Variants in FRAS1 observed in about 807,000 individuals in gnomAD.
The protein encoded by FRAS1 is extracellular matrix organizing protein FRAS1.
FRAS1 carries 290 observed loss-of-function variants against 435.2 expected under a neutral mutation model. The observed-to-expected ratio is 0.67, with a 90% CI of 0.61 to 0.73. FRAS1 has a LOEUF of 0.73. FRAS1 is among the 30% of genes least tolerant of loss of function. The pLI is 0.00. For missense variants in FRAS1, 4,860 were observed against 5,001.5 expected, an observed-to-expected ratio of 0.97 and a Z score of 0.85; for synonymous variants, 1,800 against 1,851.0, an observed-to-expected ratio of 0.97 and a Z score of 0.71.
At chr4:78,485,314 A>G (rs1720136202) in intron 58 of FRAS1, among the ~76,000 whole-genome samples, 1 of 152,224 alleles carries the variant, frequency 6.6e-6, no homozygotes, top group African/African-American at 2.4e-5. Context: ...CTTACCAACA[A>G]GACTCCAGTA....
At chr4:78,085,119 T>C (rs1247753007) in intron 2 of FRAS1, among the ~76,000 whole-genome samples, 2 of 152,108 alleles carry the variant, frequency 1.3e-5, no homozygotes, top group Non-Finnish European at 2.9e-5. Context: ...TTAGAATGTC[T>C]TTTGTCTAAG....
Position 78,534,477 on chromosome 4 carries a change from A to C in FRAS1, c.10954A>C (p.Thr3652Pro), listed in dbSNP as rs1235324798. The C allele has an allele frequency of 1.2e-6, 2 of 1,613,384 alleles. No individual in the cohort carries two copies. Among genetic ancestry groups the C allele is most frequent in the South Asian group, 1.1e-5 (1 of 90,918 alleles). Residue 3652 changes from threonine to proline, a missense_variant, in exon 71 of 74, where the codon ACC becomes CCC. Transcript: ENST00000512123. ...CCTGATACCCATTGCATTCCAGCAG[A>C]CCAACCGCCCTGTGCCAGTTGTGTA... ...RFLIPIAFQQ[T>P]NRPVPVVYSL...
intron 2 of FRAS1, among the ~76,000 whole-genome samples, chr4:78,106,056 G>C (rs372240730): frequency 1.5e-5 from 2 of 129,604 alleles, no homozygotes; most frequent in South Asian, 2.4e-4. Flanking sequence ...AAGAAACGGC[G>C]CACCACGAGA....
chr4:78,291,154 A>G (rs1460153364), intron 14 of FRAS1, among the ~76,000 whole-genome samples: 2 of 152,208 alleles, frequency 1.3e-5, no homozygotes, highest in Non-Finnish European at 2.9e-5. Flanking sequence ...ACAGGGACAT[A>G]ATATCTGCCA....
intron 6 of FRAS1, among the ~76,000 whole-genome samples, chr4:78,260,195 T>G (rs1726015390): frequency 1.3e-5 from 2 of 151,844 alleles, no homozygotes; most frequent in Admixed American, 6.6e-5. Flanking sequence ...GGCTCTTTTT[T>G]GGTTCCATAT....
intron 55 of FRAS1, 103 bp downstream of exon 55, chr4:78,478,164 A>T: frequency 7.9e-7 from 1 of 1,269,670 alleles, no homozygotes; most frequent in Non-Finnish European, 1.1e-6. Context: ...CTTAACTCAC[A>T]TGTGTACTTT....
Position 78,207,629 on chromosome 4 carries a change from G to T in FRAS1, c.109-29881G>T, listed in dbSNP as rs182206105. Among the ~76,000 whole-genome samples, 19 of 152,234 alleles carry T rather than the reference G, an allele frequency of 1.2e-4. 1 individual carries two copies. Among genetic ancestry groups the T allele is most frequent in the Admixed American group, 1.2e-3 (19 of 15,306 alleles). ...CAAATATTATTATTTTATTTCACTT[G>T]TCAAGAAACTATAATAGGTCAGTGA... On this transcript the variant is annotated intron_variant, in intron 2 of 73. Coordinates refer to ENST00000512123, the MANE Select transcript of FRAS1 (RefSeq NM_025074.7).
At chr4:78,223,008 C>T (rs936383767) in intron 2 of FRAS1, among the ~76,000 whole-genome samples, 6 of 152,176 alleles carry the variant, frequency 3.9e-5, no homozygotes, top group African/African-American at 1.4e-4. Context: ...CTCTGAGACA[C>T]TTGATACCTG....
chr4:78,390,107 A>G, intron 29 of FRAS1, among the ~76,000 whole-genome samples: 1 of 152,238 alleles, frequency 6.6e-6, no homozygotes, highest in East Asian at 1.9e-4. Flanking sequence ...TACTGGCAAC[A>G]TTATACAAAT....
At chr4:78,086,800 A>G (rs1231889597) in intron 2 of FRAS1, among the ~76,000 whole-genome samples, 3 of 152,124 alleles carry the variant, frequency 2.0e-5, no homozygotes, top group African/African-American at 7.2e-5. Flanking sequence ...CAACCAAAAA[A>G]AGTCCAGGAC....
At chr4:78,189,410 C>T (rs1352966958) in intron 2 of FRAS1, among the ~76,000 whole-genome samples, 5 of 152,188 alleles carry the variant, frequency 3.3e-5, no homozygotes, top group East Asian at 3.8e-4. Flanking sequence ...TGATCACTTT[C>T]GTTGAACTTC....
chr4:78,058,582 C>T (rs72858718), intron 1 of FRAS1, among the ~76,000 whole-genome samples: 107 of 152,328 alleles, frequency 7.0e-4, no homozygotes, highest in African/African-American at 2.4e-3. Context: ...TTATAACTAA[C>T]TGGTTGGAGC....
chr4:78,066,487 A>G (rs1247271202), intron 2 of FRAS1, among the ~76,000 whole-genome samples: 1 of 152,218 alleles, frequency 6.6e-6, no homozygotes, highest in Non-Finnish European at 1.5e-5. Flanking sequence ...AGAAATTAAC[A>G]TTTATTTCTG....
intron 2 of FRAS1, among the ~76,000 whole-genome samples, chr4:78,193,618 T>A (rs936744905): frequency 1.3e-5 from 2 of 152,178 alleles, no homozygotes; most frequent in African/African-American, 4.8e-5. Flanking sequence ...GTTTTCCATT[T>A]GTTTGGTAGA....
At chr4:78,424,103 T>A (rs187802409) in intron 34 of FRAS1, among the ~76,000 whole-genome samples, 1 of 152,346 alleles carries the variant, frequency 6.6e-6, no homozygotes, top group East Asian at 1.9e-4. Flanking sequence ...GGATTTTATG[T>A]ACTGTGATAA....
intron 2 of FRAS1, among the ~76,000 whole-genome samples, chr4:78,235,738 T>C (rs752410561): frequency 4.2e-4 from 64 of 152,322 alleles, no homozygotes; most frequent in Admixed American, 9.8e-4. Flanking sequence ...TGCTTAAGCC[T>C]AGGAGTTGGT....
intron 52 of FRAS1, among the ~76,000 whole-genome samples, chr4:78,473,139 CA>C (rs1488967989): frequency 6.6e-6 from 1 of 152,130 alleles, no homozygotes; most frequent in Non-Finnish European, 1.5e-5. Flanking sequence ...TCAACATTCA[CA>C]GACATTTATT....
intron 14 of FRAS1, among the ~76,000 whole-genome samples, chr4:78,301,852 T>TA (rs1172976877): frequency 6.8e-6 from 1 of 147,796 alleles, no homozygotes; most frequent in Non-Finnish European, 1.5e-5. Context: ...AACAGTTTTT[T>TA]TTTTTTTTTT....
chr4:78,105,714 T>A (rs577300872), intron 2 of FRAS1, among the ~76,000 whole-genome samples: 1 of 151,956 alleles, frequency 6.6e-6, no homozygotes, highest in Admixed American at 6.6e-5. Flanking sequence ...TCTCAGTGAA[T>A]AAATTGTGAA....
Sources: gnomAD v4.1 joint callset for allele counts (sites outside exome capture counted in the v4.1 genomes callset) on GRCh38, gnomAD v4.1.1 for gene constraint, MANE v1.5 for transcripts, NCBI Gene and HGNC (gene_info 2026-07-23, HGNC 2026-07-21) for gene names.